Variants in PRKG1 observed in about 807,000 individuals in gnomAD.
PRKG1 encodes cGMP-dependent protein kinase 1.
A neutral mutation model predicts 88.1 loss-of-function variants in PRKG1; 35 were observed. The observed-to-expected ratio is 0.40, with a 90% CI of 0.30 to 0.53. The LOEUF (loss-of-function observed/expected upper bound fraction) is 0.53, where lower values mean the gene tolerates loss of function less well. Among genes scored for constraint, PRKG1 ranks in the 20% least tolerant of loss-of-function variants. The pLI is 0.59. For synonymous variants in PRKG1, 303 were observed against 292.5 expected (o/e 1.04, Z -0.37); for missense variants, 540 against 839.8 (o/e 0.64, Z 4.41).
intron 2 of PRKG1, among the ~76,000 whole-genome samples, chr10:51,428,081 C>G (rs1220193034): frequency 1.3e-5 from 2 of 152,136 alleles, no homozygotes; most frequent in Admixed American, 6.5e-5. Flanking sequence ...TGAAGAACTT[C>G]TTTGAGAGGA....
chr10:51,395,285 A>T (rs1272513059), intron 2 of PRKG1, among the ~76,000 whole-genome samples: 1 of 152,220 alleles, frequency 6.6e-6, no homozygotes, highest in Non-Finnish European at 1.5e-5. Flanking sequence ...TCCACATAGT[A>T]ACCTGTTACA....
chr10:51,575,730 G>C (rs1837869865), intron 3 of PRKG1, among the ~76,000 whole-genome samples: 1 of 151,508 alleles, frequency 6.6e-6, no homozygotes, highest in Non-Finnish European at 1.5e-5. Flanking sequence ...TTTTAACCTA[G>C]AACTTTTCTT....
chr10:52,151,107 G>A (rs1163014298), intron 8 of PRKG1, among the ~76,000 whole-genome samples: 1 of 152,088 alleles, frequency 6.6e-6, no homozygotes, highest in African/African-American at 2.4e-5. Flanking sequence ...TTAGGTTTTA[G>A]GGTACATGTG....
chr10:51,142,607 A>G (rs549951801), intron 1 of PRKG1, among the ~76,000 whole-genome samples: 12 of 152,114 alleles, frequency 7.9e-5, no homozygotes, highest in Non-Finnish European at 1.5e-4. Flanking sequence ...AAAGTGTTTT[A>G]TTGCAGGCTG....
intron 3 of PRKG1, among the ~76,000 whole-genome samples, chr10:51,798,386 C>T (rs1412740692): frequency 6.6e-6 from 1 of 152,038 alleles, no homozygotes; most frequent in Non-Finnish European, 1.5e-5. Flanking sequence ...TTTTGATTGG[C>T]ATTACCCTAA....
chr10:51,578,513 T>TC lies in PRKG1; in HGVS notation c.592+110678dup, dbSNP rs368389074. Among the ~76,000 whole-genome samples, 28 of 152,250 alleles carry TC rather than the reference T, an allele frequency of 1.8e-4. 1 individual carries two copies. The East Asian group carries it at 4.6e-3, about 25-fold the overall frequency. ...GTATAGAGAAACAACCTATAATGGA[T>TC]CTATCCCTCTTTGCTGGGCAGTGGT... On this transcript the variant is annotated intron_variant, in intron 3 of 17. Coordinates refer to ENST00000373980, the MANE Select transcript of PRKG1 (RefSeq NM_006258.4).
chr10:51,887,508 G>A (rs557341665), intron 4 of PRKG1, among the ~76,000 whole-genome samples: 1 of 152,254 alleles, frequency 6.6e-6, no homozygotes, highest in African/African-American at 2.4e-5. Context: ...TCCCACAGTG[G>A]CTACACCACC....
intron 3 of PRKG1, among the ~76,000 whole-genome samples, chr10:51,797,234 G>A (rs933361228): frequency 6.7e-6 from 1 of 150,080 alleles, no homozygotes; most frequent in African/African-American, 2.4e-5. Context: ...AACAAAGCAT[G>A]AAACACCATT....
intron 1 of PRKG1, among the ~76,000 whole-genome samples, chr10:51,056,527 A>C (rs1843628122): frequency 2.6e-5 from 4 of 152,138 alleles, no homozygotes; most frequent in Admixed American, 2.0e-4. Context: ...TCCTAGTTTC[A>C]TATCTTGATT....
chr10:51,796,335 T>C (rs1839010010), intron 3 of PRKG1, among the ~76,000 whole-genome samples: 1 of 152,086 alleles, frequency 6.6e-6, no homozygotes. Context: ...ACTAGTAAAC[T>C]TTTATTTTAC....
chr10:52,284,674 G>A (rs770103228), intron 14 of PRKG1, among the ~76,000 whole-genome samples: 2 of 152,108 alleles, frequency 1.3e-5, no homozygotes, highest in East Asian at 3.9e-4. Context: ...AATGATCTTC[G>A]ATAGTAATAA....
intron 5 of PRKG1, among the ~76,000 whole-genome samples, chr10:51,967,127 A>G (rs1329187581): frequency 6.6e-6 from 1 of 152,218 alleles, no homozygotes; most frequent in Non-Finnish European, 1.5e-5. Context: ...TTATTGCAGC[A>G]CTATTCACAA....
chr10:51,952,097 A>C (rs1001617010), intron 5 of PRKG1, among the ~76,000 whole-genome samples: 5 of 152,338 alleles, frequency 3.3e-5, no homozygotes, highest in East Asian at 1.9e-4. Context: ...AATGTTTACT[A>C]TCTGGCTCTT....
At chr10:51,446,397 A>T (rs1408034457) in intron 2 of PRKG1, among the ~76,000 whole-genome samples, 1 of 151,824 alleles carries the variant, frequency 6.6e-6, no homozygotes. Flanking sequence ...GGAATTCTTG[A>T]TCTATTTCTT....
intron 2 of PRKG1, among the ~76,000 whole-genome samples, chr10:51,423,377 A>C (rs1157863371): frequency 6.6e-6 from 1 of 152,228 alleles, no homozygotes; most frequent in South Asian, 2.1e-4. Flanking sequence ...ATGTTGAAGA[A>C]GAGATATTTG....
chr10:51,292,059 G>C (rs1840597598), intron 2 of PRKG1, among the ~76,000 whole-genome samples: 1 of 152,118 alleles, frequency 6.6e-6, no homozygotes, highest in African/African-American at 2.4e-5. Context: ...TAAAAAGACA[G>C]AGCTGCAACA....
intron 4 of PRKG1, among the ~76,000 whole-genome samples, chr10:51,875,956 T>C (rs1035775483): frequency 1.3e-5 from 2 of 151,876 alleles, no homozygotes; most frequent in African/African-American, 2.4e-5. Flanking sequence ...TTCTTTCTTT[T>C]TTTTTTTTCT....
intron 4 of PRKG1, among the ~76,000 whole-genome samples, chr10:51,872,792 CT>C (rs1308329350): frequency 3.3e-5 from 5 of 151,910 alleles, no homozygotes; most frequent in Non-Finnish European, 4.4e-5. Context: ...AATAAGTGTC[CT>C]TTTTGTACTA....
intron 9 of PRKG1, among the ~76,000 whole-genome samples, chr10:52,201,064 C>G (rs1199823470): frequency 6.6e-6 from 1 of 152,132 alleles, no homozygotes; most frequent in Non-Finnish European, 1.5e-5. Context: ...TGAATTACGT[C>G]CCATTTGCCA....
Sources: allele counts gnomAD v4.1 joint callset (sites outside exome capture counted in the v4.1 genomes callset), GRCh38; gene constraint gnomAD v4.1.1; transcripts MANE v1.5; gene names NCBI Gene and HGNC (gene_info 2026-07-23, HGNC 2026-07-21).